RALGPS1: variants seen among roughly 807,000 people sequenced by gnomAD.
The protein encoded by RALGPS1 is Ral GEF with PH domain and SH3 binding motif 1, also known as ras-specific guanine nucleotide-releasing factor RalGPS1.
A neutral mutation model predicts 78.8 loss-of-function variants in RALGPS1; 19 were observed. That is an observed-to-expected ratio of 0.24 (90% CI 0.17 to 0.35). The LOEUF is 0.35. RALGPS1 is among the 10% of genes least tolerant of loss of function. RALGPS1 has a pLI of 1.00. For synonymous variants in RALGPS1, 228 were observed against 256.3 expected (o/e 0.89, Z 1.06); for missense variants, 454 against 688.3 (o/e 0.66, Z 3.81).
At chr9:127,030,580 C>A (rs2046342994) in intron 4 of RALGPS1, among the ~76,000 whole-genome samples, 1 of 152,164 alleles carries the variant, frequency 6.6e-6, no homozygotes, top group Middle Eastern at 3.4e-3. Flanking sequence ...TTAAGTCGTT[C>A]TCTTGCAAGG....
rs145066136 is a variant in RALGPS1, at chr9:126,980,089, T to C, written c.216+2344T>C. Among the ~76,000 whole-genome samples, 320 of 152,318 alleles carry C rather than the reference T, an allele frequency of 2.1e-3. 2 individuals carry two copies. The highest frequency in any genetic ancestry group is 0.02 in the Middle Eastern group (6 of 294). On this transcript the variant is annotated intron_variant, in intron 4 of 18. Transcript: ENST00000259351. Reference sequence around the variant, plus strand: ...GTTAGCTAAAAATGGAAGAGTTTGCTCCTCATTGTCAAAACTGTGGTCAAA... The same window carrying C: ...GTTAGCTAAAAATGGAAGAGTTTGCCCCTCATTGTCAAAACTGTGGTCAAA...
In RALGPS1 at chr9:126,956,248, G is replaced by T. The variant is rs970716282; in HGVS notation, c.-65-5977G>T. Among the ~76,000 whole-genome samples the T allele has an allele frequency of 4.1e-4, 63 of 152,094 alleles. 1 individual carries two copies. In the East Asian group the frequency reaches 6.0e-3, roughly 15 times the overall value. ...TCTGGGTAGGGAAGCTGTTCTCAGG[G>T]CGGGGCTAGGCCAGGCTAACCCCCT... On this transcript the variant is annotated intron_variant, in intron 1 of 18. Coordinates refer to ENST00000259351, the MANE Select transcript of RALGPS1 (RefSeq NM_014636.3).
At chr9:127,015,996 T>G (rs1196337989) in intron 4 of RALGPS1, among the ~76,000 whole-genome samples, 5 of 152,050 alleles carry the variant, frequency 3.3e-5, no homozygotes, top group African/African-American at 1.2e-4. Context: ...CTTTCTTCTC[T>G]TCTTCTTTTT....
chr9:127,212,587 G>C lies in RALGPS1; in HGVS notation c.1354-40G>C. The C allele has an allele frequency of 6.9e-7, 1 of 1,453,838 alleles. No homozygotes were observed. The highest frequency in any genetic ancestry group is 9.6e-7 in the Non-Finnish European group (1 of 1,045,954). The allele number at this position is 1,453,838 out of a possible 1,614,324, so 90.1% of individuals were successfully genotyped here. A position where few individuals can be genotyped will look rare whatever the true frequency, so the allele number is the denominator to read the frequency against. ...TCGGCCAGGGATCCTCTACCCCCAC[G>C]ACCCCTGGTGGCATCACTCAGCCTC... On this transcript the variant is annotated intron_variant, in intron 15 of 18. Coordinates refer to ENST00000259351, the MANE Select transcript of RALGPS1 (RefSeq NM_014636.3). This position sits in a 1 kb window ranked among gnomAD's most constrained non-coding sequence, Gnocchi z 6.0.
At chr9:127,179,988 C>T (rs547973450) in intron 11 of RALGPS1, among the ~76,000 whole-genome samples, 1 of 152,282 alleles carries the variant, frequency 6.6e-6, no homozygotes, top group South Asian at 2.1e-4. Flanking sequence ...AGAATGACTT[C>T]ACAGGCAGTT....
chr9:127,210,719 G>A, intron 14 of RALGPS1: 3 of 1,550,672 alleles, frequency 1.9e-6, no homozygotes, highest in Non-Finnish European at 1.7e-6. Context: ...ATGCCACCCT[G>A]GGGCCCAACT....
chr9:126,937,348 C>G (rs2036358955), intron 1 of RALGPS1, among the ~76,000 whole-genome samples: 1 of 152,134 alleles, frequency 6.6e-6, no homozygotes, highest in African/African-American at 2.4e-5. Context: ...AGTGGGGAAA[C>G]AAGTGCACTT....
chr9:127,002,126 C>A (rs2043367606), intron 4 of RALGPS1, among the ~76,000 whole-genome samples: 1 of 152,294 alleles, frequency 6.6e-6, no homozygotes, highest in East Asian at 1.9e-4. Context: ...CTCATGCCCC[C>A]TCCAAGTCAT....
chr9:126,988,704 G>A (rs1160281262), intron 4 of RALGPS1, among the ~76,000 whole-genome samples: 1 of 152,220 alleles, frequency 6.6e-6, no homozygotes, highest in African/African-American at 2.4e-5. Flanking sequence ...ATGAGGCAAG[G>A]TGGTCACACT....
rs1348237608 is a variant in RALGPS1, at chr9:127,166,060, T to C, written c.611-9T>C. ...TCCTTCCATCATGAAATATCTTCTT[T>C]AATTTTAGGAATCTATCTTCTGGAT... On this transcript the variant is annotated splice_polypyrimidine_tract_variant and intron_variant, in intron 8 of 18. Coordinates refer to ENST00000259351, the MANE Select transcript of RALGPS1 (RefSeq NM_014636.3). 26 of 1,598,514 alleles carry C rather than the reference T, an allele frequency of 1.6e-5. No individual in the cohort carries two copies. Among genetic ancestry groups the C allele is most frequent in the Middle Eastern group, 2.0e-4 (1 of 4,990 alleles).
At chr9:127,131,621 T>C (rs548304216) in intron 8 of RALGPS1, among the ~76,000 whole-genome samples, 2 of 152,344 alleles carry the variant, frequency 1.3e-5, no homozygotes, top group South Asian at 2.1e-4. Flanking sequence ...GGATTAGACA[T>C]GGGCCTGTTT....
chr9:126,937,250 C>CTAAAGA (rs1450631081), intron 1 of RALGPS1, among the ~76,000 whole-genome samples: 1 of 152,148 alleles, frequency 6.6e-6, no homozygotes, highest in Non-Finnish European at 1.5e-5. Context: ...TAAAGGAGAT[C>CTAAAGA]TGTTGTAAGG....
At chr9:127,198,370 C>A (rs1449118573) in intron 13 of RALGPS1, among the ~76,000 whole-genome samples, 1 of 152,166 alleles carries the variant, frequency 6.6e-6, no homozygotes, top group Non-Finnish European at 1.5e-5. Context: ...AGTCCAGAAG[C>A]ATTGCGCATG....
At position 127,212,199 on chromosome 9, in the gene RALGPS1, G is replaced by A. The variant is rs1226070942; in HGVS notation, c.1316G>A (p.Arg439Lys). The change falls in exon 15 of 19, where the codon AGA becomes AAA. Residue 439 changes from arginine (R) to lysine (K), a missense_variant. Transcript: ENST00000259351. This position sits in a 1 kb window ranked among gnomAD's most constrained non-coding sequence, Gnocchi z 6.0. ...GTGCCCACCATGGAGGGGCCTCTGA[G>A]AAGAAAAACCCTGCTCAAGGAAGGG... ...AAVPTMEGPL[R>K]RKTLLKEGRK... The A allele has an allele frequency of 6.2e-7, 1 of 1,613,914 alleles. No homozygotes were observed.
chr9:126,927,244 G>C (rs934352471), intron 1 of RALGPS1, among the ~76,000 whole-genome samples: 1 of 152,154 alleles, frequency 6.6e-6, no homozygotes, highest in African/African-American at 2.4e-5. Context: ...AGGAGAGGAT[G>C]GGATCACTCA....
At position 127,212,333 on chromosome 9, in the gene RALGPS1, A is replaced by C. The variant is rs979332695; in HGVS notation, c.1353+97A>C. ...TCTCAGCAAAAGTCACATGCATGGC[A>C]GAGGCTCTGCTTGCAGTGGGCATGC... is the stretch of plus-strand genomic sequence containing the variant. On this transcript the variant is annotated intron_variant, in intron 15 of 18. Coordinates refer to ENST00000259351, the MANE Select transcript of RALGPS1 (RefSeq NM_014636.3). The surrounding 1 kb of genome is among the most constrained non-coding windows in gnomAD (Gnocchi z 6.0). The C allele has an allele frequency of 5.4e-5, 50 of 925,842 alleles. No homozygotes were observed. Among genetic ancestry groups the C allele is most frequent in the Non-Finnish European group, 7.8e-5 (48 of 617,308 alleles). 57.4% of individuals were successfully genotyped at this position (925,842 alleles called of 1,614,324 possible).
At chr9:127,188,056 CTTTTTTTTTTTTT>C (rs35971647) in intron 11 of RALGPS1, among the ~76,000 whole-genome samples, 1 of 81,668 alleles carries the variant, frequency 1.2e-5, no homozygotes, top group Non-Finnish European at 2.2e-5. Context: ...GAATTAGAGC[CTTTTTTTTTTTTT>C]TTTTTTTTTT....
intron 18 of RALGPS1, chr9:127,216,941 C>A: frequency 6.5e-7 from 1 of 1,547,916 alleles, no homozygotes; most frequent in Non-Finnish European, 8.7e-7. Flanking sequence ...CAGGAACTGA[C>A]AGCCACGAGG....
chr9:127,056,645 C>T (rs187408671), intron 7 of RALGPS1, among the ~76,000 whole-genome samples: 37 of 152,308 alleles, frequency 2.4e-4, no homozygotes, highest in Admixed American at 2.3e-3. Context: ...CTTGATGCAC[C>T]TGTCTGGTAA....
Sources: gnomAD v4.1 joint callset for allele counts (sites outside exome capture counted in the v4.1 genomes callset) on GRCh38, gnomAD v4.1.1 for gene constraint, Gnocchi (gnomAD v3.1) non-coding constraint, MANE v1.5 for transcripts, NCBI Gene and HGNC (gene_info 2026-07-23, HGNC 2026-07-21) for gene names.